The following CAST variants were observed in gnomAD, a reference collection of about 807,000 sequenced individuals.
CAST encodes the protein MIR583 host.
Under a neutral mutation model 119.6 loss-of-function variants are expected in CAST, and 76 were observed. The ratio of observed to expected loss-of-function variants is 0.64; its 90% CI spans 0.53 to 0.77. The LOEUF is 0.77. Ranked by LOEUF, CAST falls within the 30% of genes least tolerant of loss-of-function variation. CAST has a pLI of 0.00. For synonymous variants in CAST, 319 were observed against 331.6 expected, an observed-to-expected ratio of 0.96 and a Z score of 0.41; for missense variants, 953 against 946.5, an observed-to-expected ratio of 1.01 and a Z score of -0.09.
At chr5:96,219,982 G>A in the CAST span, among the ~76,000 whole-genome samples, 2 of 152,162 alleles carry the variant, frequency 1.3e-5, no homozygotes, top group African/African-American at 4.8e-5. Context: ...TGAAGCTGAT[G>A]CTGTATGTTG....
intron 1 of CAST, among the ~76,000 whole-genome samples, chr5:96,627,739 G>A (rs1252463904): frequency 6.6e-6 from 1 of 152,218 alleles, no homozygotes; most frequent in Non-Finnish European, 1.5e-5. Flanking sequence ...AGGAAGATGA[G>A]AGAAGGAGAG....
the CAST span, among the ~76,000 whole-genome samples, chr5:96,065,784 C>T: frequency 1.3e-5 from 2 of 152,094 alleles, no homozygotes; most frequent in Non-Finnish European, 2.9e-5. Flanking sequence ...TTAGCTCTGC[C>T]CCTGCTGTGG....
rs184258997 is a variant in CAST, at chr5:96,559,152, C to T, written c.60+29272C>T. Among the ~76,000 whole-genome samples the T allele has an allele frequency of 4.5e-3, 685 of 152,142 alleles. 6 individuals are homozygous for T. Among genetic ancestry groups the T allele is most frequent in the African/African-American group, 0.015 (640 of 41,534 alleles). On this transcript the variant is annotated intron_variant, in intron 1 of 11. Coordinates refer to the CAST transcript ENST00000505143. The stretch of plus-strand genomic sequence containing the variant: ...TGCAGAAAACGCCTTTGACAAAATT[C>T]AACAACCCTTCATGCTAAAATCTCT...
chr5:96,203,218 G>A, the CAST span, among the ~76,000 whole-genome samples: 1 of 151,580 alleles, frequency 6.6e-6, no homozygotes, highest in Non-Finnish European at 1.5e-5. Context: ...ACAGCATTAT[G>A]TTTAGTGACT....
At chr5:96,617,725 G>A (rs1736828620) in intron 1 of CAST, among the ~76,000 whole-genome samples, 1 of 144,726 alleles carries the variant, frequency 6.9e-6, no homozygotes, top group African/African-American at 2.6e-5. Flanking sequence ...CCGGGAGGCG[G>A]AGCTTGCATT....
intron 1 of CAST, among the ~76,000 whole-genome samples, chr5:96,568,242 A>G (rs1474186204): frequency 1.3e-5 from 2 of 152,142 alleles, no homozygotes; most frequent in African/African-American, 4.8e-5. Context: ...CATTGTTGAC[A>G]GATGTTCTTT....
the CAST span, among the ~76,000 whole-genome samples, chr5:96,400,904 G>C: frequency 2.0e-5 from 3 of 151,568 alleles, no homozygotes; most frequent in East Asian, 5.8e-4. Context: ...TGGCTAACAC[G>C]GTGAAACCCC....
At chr5:96,425,793 C>A in the CAST span, 1 of 1,263,532 alleles carries the variant, frequency 7.9e-7, no homozygotes, top group Admixed American at 1.7e-5. Flanking sequence ...CAGGTCCCAC[C>A]CACATAGTCC....
the CAST span, among the ~76,000 whole-genome samples, chr5:96,369,711 T>C: frequency 6.6e-6 from 1 of 152,146 alleles, no homozygotes; most frequent in Non-Finnish European, 1.5e-5. Flanking sequence ...CAACATTCAG[T>C]AGGTACATTT....
chr5:96,437,798 A>G, the CAST span, among the ~76,000 whole-genome samples: 1 of 152,172 alleles, frequency 6.6e-6, no homozygotes, highest in Non-Finnish European at 1.5e-5. Context: ...GGTATACATG[A>G]CACTCCTCTG....
intron 4 of CAST, among the ~76,000 whole-genome samples, chr5:96,725,453 C>G (rs1759083969): frequency 6.6e-6 from 1 of 152,138 alleles, no homozygotes; most frequent in Non-Finnish European, 1.5e-5. Flanking sequence ...CCATGGATGT[C>G]TTTAGGGAGT....
At chr5:96,305,131 A>C in the CAST span, among the ~76,000 whole-genome samples, 1 of 152,122 alleles carries the variant, frequency 6.6e-6, no homozygotes, top group East Asian at 1.9e-4. Context: ...TTCGTTGAGT[A>C]GTGGTTTGTA....
chr5:96,453,162 T>C, the CAST span, among the ~76,000 whole-genome samples: 11 of 152,176 alleles, frequency 7.2e-5, no homozygotes, highest in Admixed American at 5.9e-4. Flanking sequence ...CCTTGAGTCA[T>C]GTTTCTGAGT....
chr5:96,135,083 A>G, the CAST span, among the ~76,000 whole-genome samples: 2 of 152,186 alleles, frequency 1.3e-5, no homozygotes, highest in East Asian at 1.9e-4. Flanking sequence ...GTGGGAGCCT[A>G]TTGAGAGTGG....
At chr5:96,688,387 A>T (rs566839947) in intron 2 of CAST, among the ~76,000 whole-genome samples, 1 of 152,340 alleles carries the variant, frequency 6.6e-6, no homozygotes, top group South Asian at 2.1e-4. Context: ...CTAAGAATGT[A>T]TTCCAAGTAT....
the CAST span, among the ~76,000 whole-genome samples, chr5:96,107,153 C>T: frequency 3.6e-4 from 55 of 151,746 alleles, no homozygotes; most frequent in South Asian, 0.012. Context: ...ATACAGCACA[C>T]TGATGGGTCT....
chr5:96,582,857 G>C (rs1746792467), intron 1 of CAST, among the ~76,000 whole-genome samples: 1 of 152,090 alleles, frequency 6.6e-6, no homozygotes, highest in South Asian at 2.1e-4. Flanking sequence ...CTTATTGATA[G>C]GCTCTTTAGA....
chr5:96,552,445 A>G (rs944242451), intron 1 of CAST, among the ~76,000 whole-genome samples: 5 of 152,220 alleles, frequency 3.3e-5, no homozygotes, highest in Middle Eastern at 3.2e-3. Flanking sequence ...TTATAGCACT[A>G]TATGCCCACA....
At chr5:96,232,809 A>G in the CAST span, among the ~76,000 whole-genome samples, 16 of 152,068 alleles carry the variant, frequency 1.1e-4, no homozygotes, top group Non-Finnish European at 2.1e-4. Flanking sequence ...AGAGCATACT[A>G]TGTTCATGGA....
Sources: allele counts gnomAD v4.1 joint callset (sites outside exome capture counted in the v4.1 genomes callset), GRCh38; gene constraint gnomAD v4.1.1; transcripts MANE v1.5; gene names NCBI Gene and HGNC (gene_info 2026-07-23, HGNC 2026-07-21).